Variants in TBC1D30 observed in about 807,000 individuals in gnomAD.
TBC1D30 encodes the protein TBC1 domain family member 30.
TBC1D30 carries 31 observed loss-of-function variants against 63.2 expected under a neutral mutation model. The ratio of observed to expected loss-of-function variants is 0.49; its 90% CI spans 0.37 to 0.66. TBC1D30 has a LOEUF of 0.66. Among genes scored for constraint, TBC1D30 ranks in the 30% least tolerant of loss-of-function variants. TBC1D30 has a pLI of 0.00. For synonymous variants in TBC1D30, 307 were observed against 361.5 expected (o/e 0.85, Z 1.71); for missense variants, 810 against 953.6 (o/e 0.85, Z 1.98).
intron 10 of TBC1D30, 37 bp from the exon 11 acceptor site, chr12:64,870,565 A>C: frequency 6.3e-4 from 935 of 1,481,674 alleles, no homozygotes; most frequent in Non-Finnish European, 7.6e-4. Flanking sequence ...GTTCCCCTCC[A>C]CCGACCATCT....
Position 64,875,174 on chromosome 12 carries a change from A to T in TBC1D30, c.1672A>T (p.Lys558Ter). The T allele has an allele frequency of 6.5e-7, 1 of 1,536,384 alleles. No homozygotes were observed. The change falls in exon 12 of 12, where the codon AAG becomes TAG. Residue 558 changes from lysine to a stop codon, truncating the protein, a stop_gained. Coordinates refer to ENST00000539867, the MANE Select transcript of TBC1D30 (RefSeq NM_015279.2). LOFTEE classifies it low-confidence loss of function (END_TRUNC). The part of the protein sequence containing the change: ...KISPVPYEDL[K>*]TKLNSPWRTH... The stretch of plus-strand genomic sequence containing the variant: ...ATCTCCTGTCCCCTACGAAGACCTT[A>T]AGACGAAGCTCAACTCCCCGTGGCG...
At chr12:64,834,707 CTTTT>C (rs11374555) in intron 5 of TBC1D30, among the ~76,000 whole-genome samples, 4 of 76,320 alleles carry the variant, frequency 5.2e-5, no homozygotes, top group African/African-American at 1.0e-4. Flanking sequence ...CCGTGCCGGG[CTTTT>C]TTTTTTTTTT....
In TBC1D30 at chr12:64,877,540, A is replaced by G. The variant is rs1879174342; in HGVS notation, c.*1752A>G. On this transcript the variant is annotated 3_prime_UTR_variant, in exon 12 of 12. Coordinates refer to ENST00000539867, the MANE Select transcript of TBC1D30 (RefSeq NM_015279.2). ...CCCAAAGGAACTGAAGATGGAAAAT[A>G]TGACTAATAAGTTATTGCAGTTTTG... The G allele has an allele frequency of 6.6e-6, 1 of 152,222 alleles. No individual in the cohort carries two copies. The highest frequency in any genetic ancestry group is 2.1e-4 in the South Asian group (1 of 4,830). The allele number at this position is 152,222 out of a possible 1,614,324, so 9.4% of individuals were successfully genotyped here. A position where few individuals can be genotyped will look rare whatever the true frequency, so the allele number is the denominator to read the frequency against.
intron 6 of TBC1D30, among the ~76,000 whole-genome samples, chr12:64,838,146 T>A (rs968924118): frequency 8.5e-5 from 13 of 152,330 alleles, no homozygotes; most frequent in African/African-American, 3.1e-4. Context: ...GAAATATTTT[T>A]AAATGTAATG....
chr12:64,840,595 A>T (rs1875785082), intron 7 of TBC1D30, among the ~76,000 whole-genome samples: 2 of 152,220 alleles, frequency 1.3e-5, no homozygotes, highest in African/African-American at 2.4e-5. Context: ...ATTCTTCATC[A>T]TCCTATAAAG....
intron 4 of TBC1D30, among the ~76,000 whole-genome samples, chr12:64,831,492 A>G (rs944851741): frequency 6.6e-6 from 1 of 152,208 alleles, no homozygotes; most frequent in Non-Finnish European, 1.5e-5. Context: ...CATTGAAGTG[A>G]ATGCTGTGTC....
intron 8 of TBC1D30, among the ~76,000 whole-genome samples, chr12:64,844,797 T>C (rs1358773322): frequency 6.6e-6 from 1 of 152,110 alleles, no homozygotes; most frequent in Non-Finnish European, 1.5e-5. Flanking sequence ...CCTGGCTTAT[T>C]TCACTTAATA....
chr12:64,766,959 CAG>C (rs1258057262), intron 1 of TBC1D30, among the ~76,000 whole-genome samples: 10 of 151,918 alleles, frequency 6.6e-5, no homozygotes, highest in Admixed American at 5.9e-4. Flanking sequence ...TGGATTAAAA[CAG>C]AAATCAAAAG....
At chr12:64,863,716 C>T (rs2136457181) in intron 8 of TBC1D30, among the ~76,000 whole-genome samples, 1 of 152,348 alleles carries the variant, frequency 6.6e-6, no homozygotes, top group South Asian at 2.1e-4. Flanking sequence ...AATGAAGAAG[C>T]ATCACAATCA....
upstream of TBC1D30, among the ~76,000 whole-genome samples, chr12:64,780,472 C>T (rs182173850): frequency 3.9e-5 from 6 of 152,384 alleles, no homozygotes; most frequent in East Asian, 1.9e-4. Context: ...GCGCCCTCCC[C>T]CTCCGTGCTG....
At chr12:64,843,103 G>A (rs528609415) in intron 7 of TBC1D30, among the ~76,000 whole-genome samples, 1 of 152,282 alleles carries the variant, frequency 6.6e-6, no homozygotes, top group Non-Finnish European at 1.5e-5. Context: ...AGCCTCCCAG[G>A]CTCAGGTGAT....
Position 64,813,386 on chromosome 12 carries a change from TAACAACAAC to T in TBC1D30, c.644-14428_644-14420del, listed in dbSNP as rs201967839. 6.2e-4 allele frequency among the ~76,000 whole-genome samples: 94 copies of T among 151,454 alleles called. 1 individual carries two copies. The Middle Eastern group carries it at 0.01, about 16-fold the overall frequency. On this transcript the variant is annotated intron_variant, in intron 2 of 12. Transcript: ENST00000542120. ...GCCTGGGCGACAGAGCAAGAGTCCATAACAACAACAACAACAACAACAACAACAAAAGAA... is the reference window on the plus strand; with the variant it reads ...GCCTGGGCGACAGAGCAAGAGTCCATAACAACAACAACAACAACAAAAGAA...
intron 1 of TBC1D30, among the ~76,000 whole-genome samples, chr12:64,760,859 G>GT (rs1870481777): frequency 6.6e-6 from 1 of 150,542 alleles, no homozygotes; most frequent in South Asian, 2.1e-4. Flanking sequence ...TTATTACTTT[G>GT]TTTTTTTCAC....
intron 2 of TBC1D30, among the ~76,000 whole-genome samples, chr12:64,810,202 C>A (rs1873125871): frequency 1.3e-5 from 2 of 152,206 alleles, no homozygotes; most frequent in South Asian, 4.1e-4. Context: ...CCACTTCCAA[C>A]AGCCCATATT....
intron 2 of TBC1D30, among the ~76,000 whole-genome samples, chr12:64,804,695 G>A (rs1409890541): frequency 6.6e-6 from 1 of 152,132 alleles, no homozygotes; most frequent in Non-Finnish European, 1.5e-5. Flanking sequence ...AGTGGGAAAG[G>A]GGCACAAAAT....
chr12:64,760,621 A>G (rs1235090390), intron 1 of TBC1D30, among the ~76,000 whole-genome samples: 3 of 152,140 alleles, frequency 2.0e-5, no homozygotes, highest in Non-Finnish European at 4.4e-5. Flanking sequence ...TCACATCCCC[A>G]GACCGATATA....
chr12:64,806,359 C>G (rs1455822755), intron 2 of TBC1D30, among the ~76,000 whole-genome samples: 1 of 152,174 alleles, frequency 6.6e-6, no homozygotes, highest in Non-Finnish European at 1.5e-5. Flanking sequence ...TAATCCTTCT[C>G]TCAGTTCATA....
chr12:64,789,889 T>C (rs1366499498), intron 2 of TBC1D30, among the ~76,000 whole-genome samples: 3 of 152,234 alleles, frequency 2.0e-5, no homozygotes, highest in African/African-American at 7.2e-5. Context: ...GAGTACATGC[T>C]TTATGCCAAA....
At chr12:64,803,066 C>T (rs1267594627) in intron 2 of TBC1D30, among the ~76,000 whole-genome samples, 7 of 152,168 alleles carry the variant, frequency 4.6e-5, no homozygotes, top group Admixed American at 1.3e-4. Flanking sequence ...CTTGAGGAAT[C>T]GCCACACTGA....
Sources: allele counts gnomAD v4.1 joint callset (sites outside exome capture counted in the v4.1 genomes callset), GRCh38; gene constraint gnomAD v4.1.1; transcripts MANE v1.5; gene names NCBI Gene and HGNC (gene_info 2026-07-23, HGNC 2026-07-21).